SCN2A: variants seen among roughly 807,000 people sequenced by gnomAD.
The protein encoded by SCN2A is sodium channel protein type 2 subunit alpha.
Under a neutral mutation model 188.7 loss-of-function variants are expected in SCN2A, and 20 were observed. The observed-to-expected ratio is 0.11, with a 90% CI of 0.07 to 0.15. The LOEUF is 0.15. Ranked by LOEUF, SCN2A falls within the 10% of genes least tolerant of loss-of-function variation. The probability of loss-of-function intolerance (pLI) is 1.00; values close to 1 mark genes in which losing one functional copy is unlikely to be tolerated. For missense variants in SCN2A, 1,278 were observed against 2,445.0 expected, an observed-to-expected ratio of 0.52 and a Z score of 10.07; for synonymous variants, 804 against 833.1, an observed-to-expected ratio of 0.97 and a Z score of 0.60.
intron 13 of SCN2A, among the ~76,000 whole-genome samples, chr2:165,329,027 C>CA (rs1698529410): frequency 8.5e-6 from 1 of 117,724 alleles, no homozygotes; most frequent in Non-Finnish European, 1.7e-5. Context: ...GATAATGGTG[C>CA]AAAGTTTTCC....
At chr2:165,266,233 G>A (rs532838310) in intron 1 of SCN2A, among the ~76,000 whole-genome samples, 2 of 151,878 alleles carry the variant, frequency 1.3e-5, no homozygotes, top group African/African-American at 2.4e-5. Context: ...GAAATACTCA[G>A]AAGTATCTAT....
At chr2:165,369,287 A>T (rs1305341520) in intron 19 of SCN2A, among the ~76,000 whole-genome samples, 3 of 152,050 alleles carry the variant, frequency 2.0e-5, no homozygotes, top group Non-Finnish European at 4.4e-5. Flanking sequence ...AGTGACTAGT[A>T]CCTTTGCTGT....
At chr2:165,305,006 G>T (rs1009840714) in intron 3 of SCN2A, among the ~76,000 whole-genome samples, 1 of 152,158 alleles carries the variant, frequency 6.6e-6, no homozygotes, top group African/African-American at 2.4e-5. Flanking sequence ...AGAGGAGACT[G>T]CAATAATCTA....
chr2:165,291,442 CTTT>C, intron 1 of SCN2A, among the ~76,000 whole-genome samples: 1 of 23,690 alleles, frequency 4.2e-5, no homozygotes, highest in African/African-American at 1.3e-4. Context: ...CTTTCTCTTT[CTTT>C]CTTTCTTTCT....
At chr2:165,373,065 A>G in intron 20 of SCN2A, 160 bp from the exon 21 acceptor site, 1 of 712,846 alleles carries the variant, frequency 1.4e-6, no homozygotes. Context: ...CCCCAAACTT[A>G]CTAAGTCAGA....
At chr2:165,275,304 A>G (rs1016543967) in intron 1 of SCN2A, among the ~76,000 whole-genome samples, 1 of 152,110 alleles carries the variant, frequency 6.6e-6, no homozygotes, top group Non-Finnish European at 1.5e-5. Context: ...AAGCCTCTCC[A>G]TGACCACCCT....
intron 16 of SCN2A, among the ~76,000 whole-genome samples, chr2:165,349,789 C>T (rs528853262): frequency 6.6e-6 from 1 of 152,194 alleles, no homozygotes; most frequent in East Asian, 1.9e-4. Context: ...ATCATGTTTA[C>T]CACTATTAAG....
chr2:165,381,694 AT>A (rs1701610181), intron 25 of SCN2A, among the ~76,000 whole-genome samples: 1 of 151,850 alleles, frequency 6.6e-6, no homozygotes, highest in Admixed American at 6.6e-5. Context: ...CAAACCTCAT[AT>A]TTTCCCCTAC....
intron 1 of SCN2A, chr2:165,272,255 AAC>A (rs759293825): frequency 1.1e-4 from 16 of 152,134 alleles, no homozygotes; most frequent in Non-Finnish European, 1.9e-4. Flanking sequence ...AAAGGATACT[AAC>A]ACAGATAAAA....
intron 10 of SCN2A, 78 bp from the exon 11 acceptor site, chr2:165,315,393 T>C: frequency 6.3e-7 from 1 of 1,593,294 alleles, no homozygotes; most frequent in Non-Finnish European, 8.5e-7. Flanking sequence ...TTCATGATAT[T>C]GAAGCTCAAT....
intron 11 of SCN2A, among the ~76,000 whole-genome samples, chr2:165,316,789 G>A (rs1697776346): frequency 6.6e-6 from 1 of 152,080 alleles, no homozygotes; most frequent in Non-Finnish European, 1.5e-5. Flanking sequence ...CAGTTCTGTA[G>A]AATAGTATTA....
chr2:165,352,213 A>G (rs1699956905), intron 16 of SCN2A, among the ~76,000 whole-genome samples: 1 of 152,126 alleles, frequency 6.6e-6, no homozygotes, highest in Non-Finnish European at 1.5e-5. Context: ...TAATAAGTTC[A>G]AAAGCAAATT....
rs1696197653 is a variant in SCN2A, at chr2:165,291,570, TTC to T, written c.-51-4202_-51-4201del. Among the ~76,000 whole-genome samples, 4 of 88,996 alleles carry T rather than the reference TTC, an allele frequency of 4.5e-5. 1 individual carries two copies. Among genetic ancestry groups the T allele is most frequent in the African/African-American group, 1.0e-4 (3 of 30,014 alleles). 58.4% of individuals were successfully genotyped at this position (88,996 alleles called of 152,430 possible). ...CTTCCTTCCTTCCTTCCTTCCTTCC[TTC>T]CTTTCTCTCTCTCTCTCTCTCTCTC... On this transcript the variant is annotated intron_variant, in intron 1 of 26. Transcript: ENST00000375437.
intron 1 of SCN2A, among the ~76,000 whole-genome samples, chr2:165,264,889 A>ATTCTT (rs945817741): frequency 6.6e-6 from 1 of 152,032 alleles, no homozygotes; most frequent in Non-Finnish European, 1.5e-5. Context: ...ATTTAGGTTG[A>ATTCTT]TTCCATGTCT....
intron 1 of SCN2A, among the ~76,000 whole-genome samples, chr2:165,277,649 A>T (rs1695403696): frequency 6.6e-6 from 1 of 152,194 alleles, no homozygotes; most frequent in African/African-American, 2.4e-5. Flanking sequence ...AGCAAAGTTT[A>T]GGTTACTTCT....
chr2:165,315,719 T>C lies in SCN2A; in HGVS notation c.1632T>C (p.Ser544=). Residue 544 remains serine, a synonymous_variant, in exon 11 of 27, where the codon AGT becomes AGC. Transcript: ENST00000375437. The part of the protein sequence containing the change: ...RKGFRFSLEG[S]RLTYEKRFSS... ...GTTTCCGTTTTTCCTTGGAAGGAAGTAGGCTGACATATGAAAAGAGATTTT... is the reference window on the plus strand; with the variant it reads ...GTTTCCGTTTTTCCTTGGAAGGAAGCAGGCTGACATATGAAAAGAGATTTT... 6.2e-7 allele frequency: 1 copy of C among 1,613,136 alleles called. No homozygotes were observed. Among genetic ancestry groups the C allele is most frequent in the South Asian group, 1.1e-5 (1 of 90,832 alleles).
intron 1 of SCN2A, chr2:165,266,283 C>A (rs12464379): frequency 0.37 from 55,862 of 151,806 alleles, 10,616 homozygotes; most frequent in African/African-American, 0.47. Context: ...TAATTTCAAG[C>A]AGACTTGGGT....
At chr2:165,297,313 C>T (rs529879680) in intron 3 of SCN2A, among the ~76,000 whole-genome samples, 178 bp downstream of exon 3, 6 of 152,248 alleles carry the variant, frequency 3.9e-5, no homozygotes, top group African/African-American at 1.4e-4. Flanking sequence ...TACTTTCCCC[C>T]GTCTTCTAAG....
At chr2:165,255,878 C>A (rs1372773323) in intron 1 of SCN2A, among the ~76,000 whole-genome samples, 1 of 151,626 alleles carries the variant, frequency 6.6e-6, no homozygotes, top group East Asian at 1.9e-4. Flanking sequence ...CCAGATTTTT[C>A]TTCCCCGCCC....
Sources: allele counts gnomAD v4.1 joint callset (sites outside exome capture counted in the v4.1 genomes callset), GRCh38; gene constraint gnomAD v4.1.1; transcripts MANE v1.5; gene names NCBI Gene and HGNC (gene_info 2026-07-23, HGNC 2026-07-21).